PSG8: variants seen among roughly 807,000 people sequenced by gnomAD.
PSG8 encodes pregnancy specific beta-1-glycoprotein 8.
In PSG8, 57 loss-of-function variants were observed where a neutral mutation model predicts 42.5. That is an observed-to-expected ratio of 1.34 (90% CI 1.08 to 1.67). The LOEUF (loss-of-function observed/expected upper bound fraction) is 1.67, where lower values mean the gene tolerates loss of function less well. PSG8 is among the 40% of genes most tolerant of loss of function. PSG8 has a pLI of 0.00. For synonymous variants in PSG8, 280 were observed against 196.8 expected (o/e 1.42, Z -3.54); for missense variants, 783 against 518.6 (o/e 1.51, Z -4.95).
Position 42,758,215 on chromosome 19 carries a change from T to G in PSG8, c.496A>C (p.Ser166Arg). The G allele has an allele frequency of 6.2e-7, 1 of 1,614,032 alleles. No homozygotes were observed. Among genetic ancestry groups the G allele is most frequent in the Non-Finnish European group, 8.5e-7 (1 of 1,179,954 alleles). The part of the protein sequence containing the change: ...LNPREAMEAV[S>R]LTCDPETPDA... ...GGAGTCTCAGGATCACAGGTTAAGC[T>G]CACAGCCTCCATGGCCTCCCTGGGG... The change falls in exon 3 of 5, where the codon AGC becomes CGC. Residue 166 changes from serine to arginine, a missense_variant. Physicochemically the swap from Ser to Arg is moderately radical, Grantham distance 110 (BLOSUM62 -1). Transcript: ENST00000306511.
rs1970141170 is a variant in PSG8 at position 42,763,925 on chromosome 19, T to G, written c.421A>C (p.Thr141Pro). ...NRGVTGHFTF[T>P]LYLETPKPSI... ...ATGTGGAATCACTCACGATATAAGG[T>G]GAAGGTGAAATGTCCAGTTACTCCT... Residue 141 changes from threonine to proline, a missense_variant, in exon 2 of 5, where the codon ACC becomes CCC. By Grantham distance (38) the Thr-to-Pro change is conservative. Coordinates refer to ENST00000306511, the MANE Select transcript of PSG8 (RefSeq NM_182707.3). 1.2e-6 allele frequency: 2 copies of G among 1,613,382 alleles called. No homozygotes were observed. The highest frequency in any genetic ancestry group is 1.3e-5 in the African/African-American group (1 of 74,792).
At chr19:42,756,844 T>C (rs1969939504) in intron 3 of PSG8, among the ~76,000 whole-genome samples, 2 of 151,818 alleles carry the variant, frequency 1.3e-5, no homozygotes, top group African/African-American at 4.8e-5. Context: ...TCAGGTGAGA[T>C]TTAGGACAGT....
rs1384341498 is a variant in PSG8, at chr19:42,754,452, G to T, written c.1124C>A (p.Ser375Ter). The T allele has an allele frequency of 2.5e-6, 4 of 1,613,906 alleles. No individual in the cohort carries two copies. In the South Asian group the frequency reaches 4.4e-5, roughly 18 times the overall value. ...SWTINGKFQL[S>*]GQKLFIPQIT... ...TTGGGGGATAAAGAGCTTTTGTCCT[G>T]ATAGCTGAAACTTCCCATTAATTGT... The change falls in exon 5 of 5, where the codon TCA (serine) becomes TAA (stop). Residue 375 changes from serine to a stop codon, truncating the protein, a stop_gained. Transcript: ENST00000306511. LOFTEE classifies it high-confidence loss of function.
At chr19:42,754,215 G>T, downstream of PSG8, 1 of 1,572,494 alleles carries the variant, frequency 6.4e-7, no homozygotes, top group Non-Finnish European at 8.6e-7. Flanking sequence ...GAGAATTTGG[G>T]ATTTGCTTGT....
chr19:42,752,878 G>A, downstream of PSG8: 1 of 233,690 alleles, frequency 4.3e-6, no homozygotes, highest in Non-Finnish European at 8.3e-6. Context: ...ATATCTCTGT[G>A]TTCATTTCTA....
chr19:42,757,192 C>T (rs1468317325), intron 3 of PSG8, among the ~76,000 whole-genome samples: 1 of 151,884 alleles, frequency 6.6e-6, no homozygotes, highest in Admixed American at 6.6e-5. Context: ...AGGGGACAGG[C>T]AAAAGCTGGT....
Position 42,754,424 on chromosome 19 carries a change from A to G in PSG8, c.1152T>C (p.Ile384=), listed in dbSNP as rs376501776. The G allele has an allele frequency of 3.1e-5, 50 of 1,613,780 alleles. No homozygotes were observed. Among genetic ancestry groups the G allele is most frequent in the Admixed American group, 8.3e-5 (5 of 59,984 alleles). The change falls in exon 5 of 5, where the codon ATT becomes ATC. Residue 384 remains isoleucine (I), a synonymous_variant. Transcript: ENST00000306511. ...LSGQKLFIPQ[I]TTKHSGLYAC... is the part of the protein sequence containing the mutation. ...CATAGAGCCCGCTATGCTTTGTAGTAATTTGGGGGATAAAGAGCTTTTGTC... is the reference window on the plus strand; with the variant it reads ...CATAGAGCCCGCTATGCTTTGTAGTGATTTGGGGGATAAAGAGCTTTTGTC...
intron 3 of PSG8, chr19:42,755,696 T>C (rs1969907404): frequency 4.3e-6 from 1 of 232,198 alleles, no homozygotes; most frequent in Non-Finnish European, 8.4e-6. Flanking sequence ...TCCAAGGACA[T>C]TCTAGAGATG....
At chr19:42,758,675 G>A in intron 2 of PSG8, 1 of 229,336 alleles carries the variant, frequency 4.4e-6, no homozygotes, top group Admixed American at 5.0e-5. Flanking sequence ...CCCAAGGTAT[G>A]TTTTCTCTGC....
In PSG8 at chr19:42,754,932, T is replaced by C. The variant is rs1969879401; in HGVS notation, c.988+56A>G. The C allele has an allele frequency of 5.1e-6, 8 of 1,575,680 alleles. No homozygotes were observed. The South Asian group carries it at 9.6e-5, about 19-fold the overall frequency. The stretch of plus-strand genomic sequence containing the variant: ...GAGAGAGAGTGAGAGGCCTGGCCTC[T>C]GGTCGTTTTGATTTAAGCTGGTGTC... On this transcript the variant is annotated intron_variant, in intron 4 of 4. Transcript: ENST00000306511.
Position 42,754,392 on chromosome 19 carries a change from G to C in PSG8, c.1184C>G (p.Ser395Cys). ...TTKHSGLYACSVRNSATGKES... is the reference protein window; with the variant it reads ...TTKHSGLYACCVRNSATGKES... ...CTTGCCAGTGGCTGAGTTACGAACAGAGCAAGCATAGAGCCCGCTATGCTT... is the reference window on the plus strand; with the variant it reads ...CTTGCCAGTGGCTGAGTTACGAACACAGCAAGCATAGAGCCCGCTATGCTT... The change falls in exon 5 of 5, where the codon TCT becomes TGT. Residue 395 changes from serine to cysteine, a missense_variant. Ser to Cys is a moderately radical substitution (Grantham distance 112). Transcript: ENST00000306511. The C allele has an allele frequency of 6.2e-7, 1 of 1,613,836 alleles. No individual in the cohort carries two copies. Among genetic ancestry groups the C allele is most frequent in the Non-Finnish European group, 8.5e-7 (1 of 1,179,798 alleles).
At chr19:42,759,415 A>T (rs1970017855) in intron 2 of PSG8, among the ~76,000 whole-genome samples, 1 of 152,184 alleles carries the variant, frequency 6.6e-6, no homozygotes. Context: ...TCATGTCTAT[A>T]GTTCATACAG....
chr19:42,753,191 T>C (rs188167768), downstream of PSG8: 216 of 754,968 alleles, frequency 2.9e-4, 3 homozygotes, highest in Admixed American at 1.3e-3. Context: ...GTTGTTATGG[T>C]GTCGAACATT....
chr19:42,753,703 C>T (rs1378843538), downstream of PSG8, among the ~76,000 whole-genome samples: 1 of 152,180 alleles, frequency 6.6e-6, no homozygotes, highest in Non-Finnish European at 1.5e-5. Flanking sequence ...AGGCTGACTT[C>T]AGACTTTGCC....
chr19:42,757,916 G>T (rs1465677649), intron 3 of PSG8, 86 bp downstream of exon 3: 16 of 1,613,392 alleles, frequency 9.9e-6, no homozygotes, highest in Non-Finnish European at 1.3e-5. Flanking sequence ...TCTGTACTTG[G>T]ACCTGAGAGG....
downstream of PSG8, chr19:42,753,996 A>C (rs1316497282): frequency 1.4e-6 from 1 of 722,094 alleles, no homozygotes; most frequent in Non-Finnish European, 2.3e-6. Context: ...AGGTTAAAAG[A>C]GAAAAATTCC....
At chr19:42,757,200 G>A (rs975066016) in intron 3 of PSG8, among the ~76,000 whole-genome samples, 31 of 152,052 alleles carry the variant, frequency 2.0e-4, no homozygotes, top group African/African-American at 7.0e-4. Context: ...GGCAAAAGCT[G>A]GTGGTTTTGG....
chr19:42,759,602 T>C (rs1970023041), intron 2 of PSG8, among the ~76,000 whole-genome samples: 3 of 152,150 alleles, frequency 2.0e-5, no homozygotes, highest in Admixed American at 2.0e-4. Flanking sequence ...GTCAGAAGTG[T>C]TGAGTTTTGG....
At position 42,764,640 on chromosome 19, in the gene PSG8, C is replaced by G. The variant is rs372765405; in HGVS notation, c.65-359G>C. Among the ~76,000 whole-genome samples the G allele has an allele frequency of 2.2e-4, 34 of 152,206 alleles. No homozygotes were observed. The South Asian group carries it at 6.6e-3, about 30-fold the overall frequency. ...CATCCTTAGATTTCTTTCCTGACACCTCCTTCAGATACCCTGGGTCTTCCC... is the reference window on the plus strand; with the variant it reads ...CATCCTTAGATTTCTTTCCTGACACGTCCTTCAGATACCCTGGGTCTTCCC... On this transcript the variant is annotated intron_variant, in intron 1 of 4. Transcript: ENST00000306511.
Sources: gnomAD v4.1 joint callset for allele counts (sites outside exome capture counted in the v4.1 genomes callset) on GRCh38, gnomAD v4.1.1 for gene constraint, MANE v1.5 for transcripts, NCBI Gene and HGNC (gene_info 2026-07-23, HGNC 2026-07-21) for gene names.